The following HYDIN variants were observed in gnomAD, a reference collection of about 807,000 sequenced individuals.
The protein encoded by HYDIN is axonemal central pair apparatus protein HYDIN.
Under a neutral mutation model 403.9 loss-of-function variants are expected in HYDIN, and 132 were observed. The observed-to-expected ratio is 0.33, with a 90% CI of 0.28 to 0.38. HYDIN has a LOEUF of 0.38. Among genes scored for constraint, HYDIN ranks in the 10% least tolerant of loss-of-function variants. HYDIN has a pLI of 1.00. For synonymous variants in HYDIN, 1,202 were observed against 1,891.7 expected (o/e 0.64, Z 9.46); for missense variants, 2,827 against 5,009.5 (o/e 0.56, Z 13.15).
chr16:70,928,253 G>A (rs1397297011), intron 45 of HYDIN, among the ~76,000 whole-genome samples: 28 of 152,310 alleles, frequency 1.8e-4, no homozygotes, highest in East Asian at 7.7e-4. Context: ...GCTTGAGCCC[G>A]GGAGTTTGAG....
intron 16 of HYDIN, among the ~76,000 whole-genome samples, chr16:71,063,794 T>C (rs372808141): frequency 6.6e-6 from 1 of 152,140 alleles, no homozygotes; most frequent in South Asian, 2.1e-4. Flanking sequence ...GATTTGCAGA[T>C]GCCATGGATT....
At chr16:71,029,801 T>C (rs1251957221) in intron 19 of HYDIN, among the ~76,000 whole-genome samples, 1 of 152,032 alleles carries the variant, frequency 6.6e-6, no homozygotes. Context: ...AGGGAAGGAT[T>C]CTGGGGAGGG....
At chr16:70,893,512 CTTTTCTTTTCTTTT>C (rs1326251097) in intron 55 of HYDIN, 1 of 151,094 alleles carries the variant, frequency 6.6e-6, no homozygotes, top group Non-Finnish European at 1.5e-5. Context: ...TTTTTCTTTT[CTTTTCTTTTCTTTT>C]TTTTTTTTTG....
At chr16:71,203,529 AC>A (rs1027917820) in intron 1 of HYDIN, among the ~76,000 whole-genome samples, 3 of 152,194 alleles carry the variant, frequency 2.0e-5, no homozygotes, top group Admixed American at 1.3e-4. Context: ...ATAAGCTTAT[AC>A]TTTTTGTACC....
intron 14 of HYDIN, among the ~76,000 whole-genome samples, chr16:71,068,491 A>G (rs1448165130): frequency 1.3e-5 from 2 of 151,698 alleles, no homozygotes; most frequent in Non-Finnish European, 2.9e-5. Flanking sequence ...CCCCTTGTTT[A>G]TGTATCTGGG....
At chr16:70,849,634 T>C (rs956686603) in intron 75 of HYDIN, 92 bp downstream of exon 75, 27 of 749,732 alleles carry the variant, frequency 3.6e-5, no homozygotes, top group Admixed American at 2.5e-4. Context: ...TCTGGACACA[T>C]GGAGAAGACA....
chr16:70,907,123 T>C (rs2076558164), intron 50 of HYDIN, among the ~76,000 whole-genome samples: 1 of 152,114 alleles, frequency 6.6e-6, no homozygotes, highest in Non-Finnish European at 1.5e-5. Flanking sequence ...TAAAGCAAAC[T>C]CTTGATCCTA....
intron 28 of HYDIN, among the ~76,000 whole-genome samples, chr16:70,984,586 T>C (rs2795673): frequency 6.6e-6 from 1 of 150,864 alleles, no homozygotes; most frequent in East Asian, 1.9e-4. Flanking sequence ...TGTGAGATGA[T>C]TTAGGGGAAG....
intron 1 of HYDIN, among the ~76,000 whole-genome samples, chr16:71,221,749 T>G (rs1021694617): frequency 3.3e-5 from 5 of 152,200 alleles, no homozygotes; most frequent in African/African-American, 4.8e-5. Flanking sequence ...AAGCATATAC[T>G]TTAAGACATT....
intron 6 of HYDIN, among the ~76,000 whole-genome samples, chr16:71,161,216 A>G (rs1448880142): frequency 6.6e-6 from 1 of 150,678 alleles, no homozygotes; most frequent in African/African-American, 2.4e-5. Flanking sequence ...TTACACGCAC[A>G]GTTCACAATA....
In HYDIN at chr16:70,802,213, G is replaced by A. The variant is rs2034903467; in HGVS notation, c.*5367C>T. 6.6e-6 allele frequency: 1 copy of A among 152,266 alleles called. No individual in the cohort carries two copies. The highest frequency in any genetic ancestry group is 1.9e-4 in the East Asian group (1 of 5,182). 9.4% of individuals were successfully genotyped at this position (152,266 alleles called of 1,614,324 possible). A position where few individuals can be genotyped will look rare whatever the true frequency, so the allele number is the denominator to read the frequency against. On this transcript the variant is annotated 3_prime_UTR_variant, in exon 86 of 86. Transcript: ENST00000393567. ...AAGGGCAAAAGTAGGCAGAATTCTA[G>A]GATGACCTCCAATATTCCCACCCCT...
At chr16:71,024,321 G>A (rs2080609425) in intron 21 of HYDIN, among the ~76,000 whole-genome samples, 2 of 152,112 alleles carry the variant, frequency 1.3e-5, no homozygotes, top group Non-Finnish European at 2.9e-5. Context: ...TAGTCCCTCT[G>A]CCTACAATTC....
At position 70,834,040 on chromosome 16, in the gene HYDIN, A is replaced by G. The variant is rs772169482; in HGVS notation, c.13526T>C (p.Met4509Thr). Residue 4509 changes from methionine (M) to threonine (T), a missense_variant, in exon 79 of 86, where the codon ATG (methionine) becomes ACG (threonine). Coordinates refer to ENST00000393567, the MANE Select transcript of HYDIN (RefSeq NM_001270974.2). The part of the protein sequence containing the change: ...PFSEEVFMEC[M>T]GLLRPLFLLS... ...GAGGAAGAGGGGGCGCAGGAGCCCCATGCATTCCATGAACACTTCCTCAGA... is the reference window on the plus strand; with the variant it reads ...GAGGAAGAGGGGGCGCAGGAGCCCCGTGCATTCCATGAACACTTCCTCAGA... The G allele has an allele frequency of 2.2e-5, 35 of 1,598,726 alleles. No homozygotes were observed. Among genetic ancestry groups the G allele is most frequent in the Non-Finnish European group, 2.9e-5 (34 of 1,167,344 alleles).
At chr16:70,942,478 C>G (rs1312517107) in intron 42 of HYDIN, among the ~76,000 whole-genome samples, 1 of 152,140 alleles carries the variant, frequency 6.6e-6, no homozygotes, top group South Asian at 2.1e-4. Flanking sequence ...TCACAGGCAG[C>G]AGGGGGAGCA....
At position 71,067,393 on chromosome 16, in the gene HYDIN, G is replaced by C; in HGVS notation, c.1975-3C>G. 1 of 1,598,974 alleles carries C rather than the reference G, an allele frequency of 6.3e-7. No homozygotes were observed. Among genetic ancestry groups the C allele is most frequent in the East Asian group, 2.2e-5 (1 of 44,602 alleles). On this transcript the variant is annotated splice_region_variant and splice_polypyrimidine_tract_variant and intron_variant, in intron 14 of 85. Transcript: ENST00000393567. ...ACAGTGTTGGAGCATAATGTCACCT[G>C]GAAAGAAAAAGGTGACAAGTTGGTC... is the stretch of plus-strand genomic sequence containing the variant.
At chr16:71,172,163 T>C (rs1026185632) in intron 5 of HYDIN, among the ~76,000 whole-genome samples, 2 of 152,256 alleles carry the variant, frequency 1.3e-5, no homozygotes, top group African/African-American at 4.8e-5. Context: ...TTAAATTTCA[T>C]AGTGACAAAC....
At position 70,948,070 on chromosome 16, in the gene HYDIN, C is replaced by G. The variant is rs556252983; in HGVS notation, c.6532-4121G>C. On this transcript the variant is annotated intron_variant, in intron 41 of 85. Transcript: ENST00000393567. ...GACTTCAAACTATACTACAAGGCTA[C>G]AGTAACCAAAACAGCATGGTACTGG... Among the ~76,000 whole-genome samples, 227 of 151,858 alleles carry G rather than the reference C, an allele frequency of 1.5e-3. 2 individuals are homozygous for G. Among genetic ancestry groups the G allele is most frequent in the South Asian group, 0.012 (57 of 4,794 alleles).
intron 45 of HYDIN, among the ~76,000 whole-genome samples, chr16:70,925,757 T>C (rs1289871680): frequency 6.6e-6 from 1 of 151,414 alleles, no homozygotes; most frequent in Non-Finnish European, 1.5e-5. Context: ...CTCAAACAAA[T>C]TTACAAGAAA....
chr16:70,810,147 T>C (rs2035379043), intron 84 of HYDIN, 140 bp from the exon 85 acceptor site: 1 of 749,578 alleles, frequency 1.3e-6, no homozygotes, highest in Admixed American at 2.2e-5. Context: ...CTGGGGAACC[T>C]GTCCAAACCA....
Sources: allele counts gnomAD v4.1 joint callset (sites outside exome capture counted in the v4.1 genomes callset), GRCh38; gene constraint gnomAD v4.1.1; transcripts MANE v1.5; gene names NCBI Gene and HGNC (gene_info 2026-07-23, HGNC 2026-07-21).